The following NET1 variants were observed in gnomAD, a reference collection of about 807,000 sequenced individuals.
The protein encoded by NET1 is neuroepithelial cell transforming 1, also known as neuroepithelial cell-transforming gene 1 protein.
NET1 carries 42 observed loss-of-function variants against 61.1 expected under a neutral mutation model. The ratio of observed to expected loss-of-function variants is 0.69; its 90% confidence interval spans 0.54 to 0.89. The LOEUF (loss-of-function observed/expected upper bound fraction) is 0.89, where lower values mean the gene tolerates loss of function less well. NET1 is among the 40% of genes least tolerant of loss of function. NET1 has a pLI of 0.00. For synonymous variants in NET1, 254 were observed against 281.8 expected, an observed-to-expected ratio of 0.90 and a Z score of 0.99; for missense variants, 654 against 747.3, an observed-to-expected ratio of 0.88 and a Z score of 1.46.
At position 5,452,774 on chromosome 10, in the gene NET1, A is replaced by G; in HGVS notation, c.532-84A>G. 7.9e-7 allele frequency: 1 copy of G among 1,268,124 alleles called. No individual in the cohort carries two copies. The highest frequency in any genetic ancestry group is 1.1e-6 in the Non-Finnish European group (1 of 890,948). The allele number at this position is 1,268,124 out of a possible 1,614,324, so 78.6% of individuals were successfully genotyped here. On this transcript the variant is annotated intron_variant, in intron 5 of 11. Transcript: ENST00000355029. This position sits in a 1 kb window ranked among gnomAD's most constrained non-coding sequence, Gnocchi z 4.0. ...GAGTTACTTTTTAAAATGCCGTTCA[A>G]AACATCAAATAATGTAATTATCAGT...
rs1379109734 is a variant in NET1, at chr10:5,426,167, T to C, written c.129-488T>C. Among the ~76,000 whole-genome samples, 1 of 152,194 alleles carries C rather than the reference T, an allele frequency of 6.6e-6. No individual in the cohort carries two copies. Among genetic ancestry groups the C allele is most frequent in the African/African-American group, 2.4e-5 (1 of 41,462 alleles). On this transcript the variant is annotated intron_variant, in intron 1 of 11. Coordinates refer to ENST00000355029, the MANE Select transcript of NET1 (RefSeq NM_001047160.3). The surrounding 1 kb of genome is among the most constrained non-coding windows in gnomAD (Gnocchi z 4.6). The stretch of plus-strand genomic sequence containing the variant: ...ATAGCTTTGTATTTTGTTTGTTAAA[T>C]TGCAGTTTTAAAAAATTAGGGATTT...
At chr10:5,436,193 TGTGTGTG>T (rs1832430425) in intron 3 of NET1, among the ~76,000 whole-genome samples, 7 of 14,894 alleles carry the variant, frequency 4.7e-4, no homozygotes, top group African/African-American at 2.0e-3. Flanking sequence ...GTGTTGTGTG[TGTGTGTG>T]TGTGTGTGTG....
rs1832265311 is a variant in NET1, at chr10:5,426,802, A to G, written c.195+81A>G. 2.1e-6 allele frequency: 2 copies of G among 938,398 alleles called. No homozygotes were observed. Among genetic ancestry groups the G allele is most frequent in the African/African-American group, 1.7e-5 (1 of 59,000 alleles). 58.1% of individuals were successfully genotyped at this position (938,398 alleles called of 1,614,324 possible). ...TTTCTTTCAGTCTGTTACACAGATC[A>G]GTGGTCCTTACTTCTGAGGGTCTTG... is the stretch of plus-strand genomic sequence containing the variant. On this transcript the variant is annotated intron_variant, in intron 2 of 11. Coordinates refer to ENST00000355029, the MANE Select transcript of NET1 (RefSeq NM_001047160.3). This position sits in a 1 kb window ranked among gnomAD's most constrained non-coding sequence, Gnocchi z 4.6.
In NET1 at chr10:5,421,416, T is replaced by C. The variant is rs998346729; in HGVS notation, c.129-5239T>C. Among the ~76,000 whole-genome samples, 2 of 152,230 alleles carry C rather than the reference T, an allele frequency of 1.3e-5. No individual in the cohort carries two copies. The highest frequency in any genetic ancestry group is 1.3e-4 in the Admixed American group (2 of 15,286). ...GGTAGAAAAATAATAGTATGACCTA[T>C]GATCTACCAACAGTGATAAGGCTTA... On this transcript the variant is annotated intron_variant, in intron 1 of 11. Transcript: ENST00000355029. The surrounding 1 kb of genome is among the most constrained non-coding windows in gnomAD (Gnocchi z 4.2).
chr10:5,414,346 T>C (rs1008383741), intron 1 of NET1, among the ~76,000 whole-genome samples: 2 of 152,190 alleles, frequency 1.3e-5, no homozygotes, highest in Non-Finnish European at 2.9e-5. Context: ...TATTTGCATT[T>C]TAAAAGATCA....
rs148103977 is a variant in NET1 at position 5,440,031 on chromosome 10, G to A, written c.255+10802G>A. On this transcript the variant is annotated intron_variant, in intron 3 of 11. Transcript: ENST00000355029. The surrounding 1 kb of genome is among the most constrained non-coding windows in gnomAD (Gnocchi z 4.1). ...GGGAGATCCCAGAAAGCCTCAGGCC[G>A]TTGGATCTATTAAAACTTTTCCAAC... 3.1e-4 allele frequency among the ~76,000 whole-genome samples: 47 copies of A among 152,286 alleles called. No individual in the cohort carries two copies. Among genetic ancestry groups the A allele is most frequent in the Non-Finnish European group, 5.6e-4 (38 of 68,016 alleles).
In NET1 at chr10:5,456,887, A is replaced by G. The variant is rs1322574540; in HGVS notation, c.1684A>G (p.Met562Val). 6.2e-7 allele frequency: 1 copy of G among 1,614,118 alleles called. No individual in the cohort carries two copies. Among genetic ancestry groups the G allele is most frequent in the South Asian group, 1.1e-5 (1 of 91,056 alleles). The change falls in exon 12 of 12, where the codon ATG (methionine) becomes GTG (valine). Residue 562 changes from methionine to valine, a missense_variant. Met to Val is a conservative substitution (Grantham distance 21). Transcript: ENST00000355029. This position sits in a 1 kb window ranked among gnomAD's most constrained non-coding sequence, Gnocchi z 7.0. ...TTACAGATGTGGCTCTGGCATGCAG[A>G]TGGCAGAGGACAGCAAGAGCTTAAA... ...NAYRCGSGMQMAEDSKSLKTH... is the reference protein window; with the variant it reads ...NAYRCGSGMQVAEDSKSLKTH...
At chr10:5,450,302 C>T (rs1588438610) in intron 3 of NET1, among the ~76,000 whole-genome samples, 1 of 152,092 alleles carries the variant, frequency 6.6e-6, no homozygotes, top group South Asian at 2.1e-4. Flanking sequence ...GTTCACATTC[C>T]TTTCTGATAC....
In NET1 at chr10:5,437,617, A is replaced by T. The variant is rs1832456725; in HGVS notation, c.255+8388A>T. Among the ~76,000 whole-genome samples the T allele has an allele frequency of 6.6e-6, 1 of 152,024 alleles. No homozygotes were observed. The highest frequency in any genetic ancestry group is 6.6e-5 in the Admixed American group (1 of 15,266). On this transcript the variant is annotated intron_variant, in intron 3 of 11. Coordinates refer to ENST00000355029, the MANE Select transcript of NET1 (RefSeq NM_001047160.3). This position sits in a 1 kb window ranked among gnomAD's most constrained non-coding sequence, Gnocchi z 4.3. ...CAAATTGATACTTTTCTATCGGTTTATGATAATATTCATAACCGAGTACCC... is the reference window on the plus strand; with the variant it reads ...CAAATTGATACTTTTCTATCGGTTTTTGATAATATTCATAACCGAGTACCC...
chr10:5,412,805 C>A lies in NET1; in HGVS notation c.113C>A (p.Ser38Ter). The A allele has an allele frequency of 7.1e-7, 1 of 1,412,962 alleles. No individual in the cohort carries two copies. The highest frequency in any genetic ancestry group is 3.1e-5 in the East Asian group (1 of 32,166). 87.5% of individuals were successfully genotyped at this position (1,412,962 alleles called of 1,614,324 possible). A position where few individuals can be genotyped will look rare whatever the true frequency, so the allele number is the denominator to read the frequency against. The change falls in exon 1 of 12, where the codon TCG becomes TAG. Residue 38 changes from serine to a stop codon, truncating the protein, a stop_gained. Coordinates refer to ENST00000355029, the MANE Select transcript of NET1 (RefSeq NM_001047160.3). LOFTEE classifies it high-confidence loss of function. This position sits in a 1 kb window ranked among gnomAD's most constrained non-coding sequence, Gnocchi z 6.5. ...GGGCCTTCGGCCGACACCTCCGGGT[C>A]GGAGCTGGACGGGAGGTGAGTGTGG... ...ATGPSADTSG[S>*]ELDGRCSLRR...
At chr10:5,413,699 G>A (rs944162445) in intron 1 of NET1, among the ~76,000 whole-genome samples, 2 of 152,198 alleles carry the variant, frequency 1.3e-5, no homozygotes, top group Non-Finnish European at 2.9e-5. Context: ...ATTTGGTAAT[G>A]AGAAGAGAGT....
In NET1 at chr10:5,453,330, C is replaced by T. The variant is rs370239800; in HGVS notation, c.675C>T (p.Tyr225=). ...ATATATTTGGTGATCTGGACTCTTA[C>T]ATACCTCTGCATGAAGGTTAGATGT... is the stretch of plus-strand genomic sequence containing the variant. ...LTHIFGDLDS[Y]IPLHEDLLTR... is the part of the protein sequence containing the mutation. Residue 225 remains tyrosine (Y), a synonymous_variant, in exon 7 of 12, where the codon TAC becomes TAT. Coordinates refer to ENST00000355029, the MANE Select transcript of NET1 (RefSeq NM_001047160.3). The surrounding 1 kb of genome is among the most constrained non-coding windows in gnomAD (Gnocchi z 4.9). 13 of 1,608,696 alleles carry T rather than the reference C, an allele frequency of 8.1e-6. No individual in the cohort carries two copies. Among genetic ancestry groups the T allele is most frequent in the East Asian group, 2.2e-5 (1 of 44,846 alleles).
At position 5,417,765 on chromosome 10, in the gene NET1, A is replaced by G. The variant is rs1329799628; in HGVS notation, c.128+4945A>G. Among the ~76,000 whole-genome samples, 1 of 152,188 alleles carries G rather than the reference A, an allele frequency of 6.6e-6. No individual in the cohort carries two copies. Among genetic ancestry groups the G allele is most frequent in the Non-Finnish European group, 1.5e-5 (1 of 68,024 alleles). On this transcript the variant is annotated intron_variant, in intron 1 of 11. Coordinates refer to ENST00000355029, the MANE Select transcript of NET1 (RefSeq NM_001047160.3). This position sits in a 1 kb window ranked among gnomAD's most constrained non-coding sequence, Gnocchi z 5.5. The stretch of plus-strand genomic sequence containing the variant: ...TGTCTTGTTTCTGATCTTAAGGGGA[A>G]AGCATACAATCTTTCACCATTAAGT...
Position 5,437,497 on chromosome 10 carries a change from A to G in NET1, c.255+8268A>G, listed in dbSNP as rs1832455460. 6.6e-6 allele frequency among the ~76,000 whole-genome samples: 1 copy of G among 152,140 alleles called. No individual in the cohort carries two copies. Among genetic ancestry groups the G allele is most frequent in the Non-Finnish European group, 1.5e-5 (1 of 68,016 alleles). Reference sequence around the variant, plus strand: ...GTACTTTACCTTCTGGTGCACAAGGAGGGACCATGTTTGTGTCTCTATTAT... The same window carrying G: ...GTACTTTACCTTCTGGTGCACAAGGGGGGACCATGTTTGTGTCTCTATTAT... On this transcript the variant is annotated intron_variant, in intron 3 of 11. Transcript: ENST00000355029. The surrounding 1 kb of genome is among the most constrained non-coding windows in gnomAD (Gnocchi z 4.3).
chr10:5,433,493 C>T (rs1199652391), intron 3 of NET1, among the ~76,000 whole-genome samples: 1 of 152,228 alleles, frequency 6.6e-6, no homozygotes, highest in East Asian at 1.9e-4. Context: ...AGTAGATTCT[C>T]AGGCAGTGTT....
In NET1 at chr10:5,456,409, C is replaced by A; in HGVS notation, c.1384+136C>A. 9.5e-7 allele frequency: 1 copy of A among 1,057,530 alleles called. No individual in the cohort carries two copies. The highest frequency in any genetic ancestry group is 1.3e-6 in the Non-Finnish European group (1 of 750,712). The allele number at this position is 1,057,530 out of a possible 1,614,324, so 65.5% of individuals were successfully genotyped here. On this transcript the variant is annotated intron_variant, in intron 11 of 11. Coordinates refer to ENST00000355029, the MANE Select transcript of NET1 (RefSeq NM_001047160.3). The surrounding 1 kb of genome is among the most constrained non-coding windows in gnomAD (Gnocchi z 7.0). The stretch of plus-strand genomic sequence containing the variant: ...GTTACATCCATTGAGTTGTCCAGGC[C>A]TTCCCAGCTCGAACACCCGCAGGTG...
In NET1 at chr10:5,457,062, C is replaced by A. The variant is rs540331955; in HGVS notation, c.*68C>A. 1 of 1,437,616 alleles carries A rather than the reference C, an allele frequency of 7.0e-7. No homozygotes were observed. The highest frequency in any genetic ancestry group is 9.3e-7 in the Non-Finnish European group (1 of 1,080,098). The allele number at this position is 1,437,616 out of a possible 1,614,324, so 89.1% of individuals were successfully genotyped here. ...ATAAATGTGTACAGTTTTGTTTTCT[C>A]GTAAGGGGAGCATCATAGGGTTACT... is the stretch of plus-strand genomic sequence containing the variant. On this transcript the variant is annotated 3_prime_UTR_variant, in exon 12 of 12. Coordinates refer to ENST00000355029, the MANE Select transcript of NET1 (RefSeq NM_001047160.3). The surrounding 1 kb of genome is among the most constrained non-coding windows in gnomAD (Gnocchi z 5.4).
At chr10:5,450,598 T>G (rs1832688908) in intron 3 of NET1, among the ~76,000 whole-genome samples, 1 of 152,152 alleles carries the variant, frequency 6.6e-6, no homozygotes, top group South Asian at 2.1e-4. Flanking sequence ...AAATGATGTC[T>G]TATTTTTCAG....
At chr10:5,429,966 T>G (rs1832322347) in intron 3 of NET1, among the ~76,000 whole-genome samples, 1 of 152,214 alleles carries the variant, frequency 6.6e-6, no homozygotes, top group African/African-American at 2.4e-5. Flanking sequence ...TGCTGTTTCT[T>G]TTTAAAGACA....
Sources: allele counts gnomAD v4.1 joint callset (sites outside exome capture counted in the v4.1 genomes callset), GRCh38; gene constraint gnomAD v4.1.1; non-coding constraint Gnocchi (gnomAD v3.1); transcripts MANE v1.5; gene names NCBI Gene and HGNC (gene_info 2026-07-23, HGNC 2026-07-21).